EIF4ENIF1: variants seen among roughly 807,000 people sequenced by gnomAD.
EIF4ENIF1 encodes the protein eukaryotic translation initiation factor 4E nuclear import factor 1.
EIF4ENIF1 carries 23 observed loss-of-function variants against 110.5 expected under a neutral mutation model. The ratio of observed to expected loss-of-function variants is 0.21; its 90% CI spans 0.15 to 0.29. The LOEUF (loss-of-function observed/expected upper bound fraction) is 0.29, where lower values mean the gene tolerates loss of function less well. Ranked by LOEUF, EIF4ENIF1 falls within the 10% of genes least tolerant of loss-of-function variation. The probability of loss-of-function intolerance (pLI) is 1.00; values close to 1 mark genes in which losing one functional copy is unlikely to be tolerated. For missense variants in EIF4ENIF1, 1,031 were observed against 1,221.1 expected, an observed-to-expected ratio of 0.84 and a Z score of 2.32; for synonymous variants, 440 against 437.0, an observed-to-expected ratio of 1.01 and a Z score of -0.09.
chr22:31,468,761 A>G (rs571780918), intron 3 of EIF4ENIF1, among the ~76,000 whole-genome samples: 74 of 152,320 alleles, frequency 4.9e-4, no homozygotes, highest in African/African-American at 1.7e-3. Context: ...TAATATGAAA[A>G]CAAAAACATC....
At chr22:31,448,258 G>A in intron 12 of EIF4ENIF1, 26 bp from the exon 13 acceptor site, 2 of 1,609,862 alleles carry the variant, frequency 1.2e-6, no homozygotes, top group South Asian at 2.2e-5. Context: ...GTCTCAGTGA[G>A]TACCAAGATG....
At chr22:31,454,745 G>A (rs181739372) in intron 9 of EIF4ENIF1, among the ~76,000 whole-genome samples, 2 of 152,232 alleles carry the variant, frequency 1.3e-5, no homozygotes, top group Admixed American at 1.3e-4. Flanking sequence ...TGCCTGCACC[G>A]TGGTCATTAT....
chr22:31,483,504 G>T (rs1324449618), intron 2 of EIF4ENIF1, among the ~76,000 whole-genome samples: 2 of 151,966 alleles, frequency 1.3e-5, no homozygotes, highest in Admixed American at 1.3e-4. Context: ...CACCCAGCGA[G>T]CAGGTGATCA....
At chr22:31,455,817 T>G in intron 8 of EIF4ENIF1, 35 bp downstream of exon 8, 1 of 1,611,492 alleles carries the variant, frequency 6.2e-7, no homozygotes, top group Non-Finnish European at 8.5e-7. Flanking sequence ...AAAACCCAGG[T>G]TTACCTTCAA....
chr22:31,462,870 A>G, intron 6 of EIF4ENIF1, 62 bp downstream of exon 6: 1 of 1,558,840 alleles, frequency 6.4e-7, no homozygotes. Context: ...GGTGTGAGCC[A>G]CCACGCCCAG....
At chr22:31,491,976 A>G, upstream of EIF4ENIF1, among the ~76,000 whole-genome samples, 1 of 152,138 alleles carries the variant, frequency 6.6e-6, no homozygotes, top group East Asian at 1.9e-4. Context: ...TCCTGCTGGG[A>G]CGGCTGGTTT....
At chr22:31,456,279 A>T (rs1439598298) in intron 7 of EIF4ENIF1, among the ~76,000 whole-genome samples, 5 of 143,796 alleles carry the variant, frequency 3.5e-5, no homozygotes, top group South Asian at 4.3e-4. Flanking sequence ...GCTGGAGTGC[A>T]GTGGCACGAT....
At chr22:31,467,181 A>AAAGTCTCTGCATATCTTTAATG in intron 4 of EIF4ENIF1, among the ~76,000 whole-genome samples, 1 of 152,194 alleles carries the variant, frequency 6.6e-6, no homozygotes, top group African/African-American at 2.4e-5. Flanking sequence ...TCATTTTAAT[A>AAAGTCTCTGCATATCTTTAATG]AAGTCTCTGC....
Position 31,463,736 on chromosome 22 carries a change from A to T in EIF4ENIF1, c.530T>A (p.Leu177Gln). Residue 177 changes from leucine to glutamine, a missense_variant, in exon 5 of 19, where the codon CTG (leucine) becomes CAG (glutamine). By Grantham distance (113) the Leu-to-Gln change is moderately radical. Coordinates refer to ENST00000330125, the MANE Select transcript of EIF4ENIF1 (RefSeq NM_019843.4). ...EKDHRLSDKD[L>Q]RDLRDRDRER... ...TCGGTCTCTGTCTCTCAAGTCCCGCAGGTCCTTATCGCTAAGACGGTGATC... is the reference window on the plus strand; with the variant it reads ...TCGGTCTCTGTCTCTCAAGTCCCGCTGGTCCTTATCGCTAAGACGGTGATC... The T allele has an allele frequency of 6.2e-7, 1 of 1,613,138 alleles. No homozygotes were observed. The highest frequency in any genetic ancestry group is 8.5e-7 in the Non-Finnish European group (1 of 1,179,852).
At chr22:31,447,372 A>G in intron 14 of EIF4ENIF1, 54 bp downstream of exon 14, 1 of 1,599,304 alleles carries the variant, frequency 6.3e-7, no homozygotes, top group South Asian at 1.1e-5. Context: ...GTAATTTATT[A>G]GTTTCAGGAA....
At chr22:31,481,155 A>G (rs894965563) in intron 2 of EIF4ENIF1, among the ~76,000 whole-genome samples, 4 of 151,970 alleles carry the variant, frequency 2.6e-5, no homozygotes, top group African/African-American at 9.7e-5. Flanking sequence ...TTGACACATT[A>G]AGATTGAATA....
In EIF4ENIF1 at chr22:31,442,974, T is replaced by C. The variant is rs768361220; in HGVS notation, c.2194A>G (p.Lys732Glu). Reference protein sequence around the residue: ...ALGDSKEDTQKASEENLLSSS... With the variant: ...ALGDSKEDTQEASEENLLSSS... ...AGCTCTGCAGTACCTTCACTGGCCT[T>C]CTGAGTATCCTCTTTACTGTCACCA... Residue 732 changes from lysine (K) to glutamate (E), a missense_variant, in exon 16 of 19, where the codon AAG (lysine) becomes GAG (glutamate). By Grantham distance (56) the Lys-to-Glu change is moderately conservative (BLOSUM62 1). This residue lies in a region of EIF4ENIF1 where 309 missense variants were observed against 299.1 expected (regional missense o/e 1.03). Coordinates refer to ENST00000330125, the MANE Select transcript of EIF4ENIF1 (RefSeq NM_019843.4). The C allele has an allele frequency of 1.2e-6, 2 of 1,614,030 alleles. No individual in the cohort carries two copies. The highest frequency in any genetic ancestry group is 1.3e-5 in the African/African-American group (1 of 75,052).
downstream of EIF4ENIF1, among the ~76,000 whole-genome samples, chr22:31,438,800 G>A (rs551668887): frequency 8.6e-5 from 13 of 151,910 alleles, no homozygotes; most frequent in East Asian, 1.2e-3. Flanking sequence ...TCAGCTCACT[G>A]CAACCTCTGC....
rs200912995 is a variant in EIF4ENIF1, at chr22:31,449,318, A to C, written c.1768+30T>G. 3 of 1,606,212 alleles carry C rather than the reference A, an allele frequency of 1.9e-6. No individual in the cohort carries two copies. The Admixed American group carries it at 5.1e-5, about 27-fold the overall frequency. On this transcript the variant is annotated intron_variant, in intron 12 of 18. Coordinates refer to ENST00000330125, the MANE Select transcript of EIF4ENIF1 (RefSeq NM_019843.4). Reference sequence around the variant, plus strand: ...AGCTACCGTGCCTGGCCATAAATTCATATTTCTTTTGACAAATAAGTATAT... The same window carrying C: ...AGCTACCGTGCCTGGCCATAAATTCCTATTTCTTTTGACAAATAAGTATAT...
chr22:31,440,583 C>G (rs1046628030), intron 18 of EIF4ENIF1, 121 bp downstream of exon 18: 1 of 1,263,026 alleles, frequency 7.9e-7, no homozygotes, highest in Non-Finnish European at 1.1e-6. Context: ...TACACTTTGT[C>G]CCAAACTTAG....
chr22:31,488,601 T>C, intron 2 of EIF4ENIF1, 22 bp downstream of exon 2: 2 of 1,614,126 alleles, frequency 1.2e-6, no homozygotes, highest in Non-Finnish European at 8.5e-7. Flanking sequence ...AGAAACACTA[T>C]TTCATTAGTG....
At chr22:31,477,753 A>C (rs922089791) in intron 2 of EIF4ENIF1, among the ~76,000 whole-genome samples, 2 of 151,890 alleles carry the variant, frequency 1.3e-5, no homozygotes, top group South Asian at 4.1e-4. Flanking sequence ...TCCATAGAGG[A>C]TAAAGAGCCA....
intron 2 of EIF4ENIF1, among the ~76,000 whole-genome samples, chr22:31,477,600 C>G (rs1028058279): frequency 6.6e-6 from 1 of 152,146 alleles, no homozygotes; most frequent in Non-Finnish European, 1.5e-5. Flanking sequence ...CTTAAGTGAA[C>G]AGATGTACAA....
At chr22:31,463,490 G>A (rs1415181942) in intron 5 of EIF4ENIF1, among the ~76,000 whole-genome samples, 191 bp downstream of exon 5, 2 of 151,944 alleles carry the variant, frequency 1.3e-5, no homozygotes, top group Non-Finnish European at 2.9e-5. Context: ...AGACCAGCCT[G>A]ACTAACATGG....
Sources: allele counts gnomAD v4.1 joint callset (sites outside exome capture counted in the v4.1 genomes callset), GRCh38; gene constraint gnomAD v4.1.1; regional missense constraint gnomAD v4.1.1; transcripts MANE v1.5; gene names NCBI Gene and HGNC (gene_info 2026-07-23, HGNC 2026-07-21).